ASPH: variants seen among roughly 807,000 people sequenced by gnomAD.
ASPH encodes the protein aspartyl/asparaginyl beta-hydroxylase.
In ASPH, 100 loss-of-function variants were observed where a neutral mutation model predicts 118.4. That is an observed-to-expected ratio of 0.84 (90% CI 0.72 to 1.00). The LOEUF is 1.00. ASPH is among the 50% of genes least tolerant of loss of function. The pLI, the probability that ASPH is intolerant of heterozygous loss-of-function variation, is 0.00. For synonymous variants in ASPH, 315 were observed against 325.6 expected, an observed-to-expected ratio of 0.97 and a Z score of 0.35; for missense variants, 920 against 919.5, an observed-to-expected ratio of 1.00 and a Z score of -0.01.
intron 14 of ASPH, among the ~76,000 whole-genome samples, chr8:61,608,481 A>G (rs1336682091): frequency 6.6e-6 from 1 of 152,228 alleles, no homozygotes; most frequent in South Asian, 2.1e-4. Flanking sequence ...TCATATGGTT[A>G]TCTTTAAAAT....
chr8:61,553,946 GC>G (rs1458848765), intron 19 of ASPH, among the ~76,000 whole-genome samples: 1 of 152,216 alleles, frequency 6.6e-6, no homozygotes, highest in Non-Finnish European at 1.5e-5. Context: ...TTGGAAATGA[GC>G]AAGCTGCACG....
In ASPH at chr8:61,550,442, TACACACAC is replaced by T. The variant is rs34577657; in HGVS notation, c.1627-2242_1627-2235del. ...TGTATGGTTTTTATGCACATGTACATACACACACACACACACACACACACACATAAGAG... is the reference window on the plus strand; with the variant it reads ...TGTATGGTTTTTATGCACATGTACATACACACACACACACACACATAAGAG... On this transcript the variant is annotated intron_variant, in intron 20 of 24. Transcript: ENST00000379454. 5.7e-3 allele frequency among the ~76,000 whole-genome samples: 841 copies of T among 147,686 alleles called. 6 individuals are homozygous for T. Among genetic ancestry groups the T allele is most frequent in the Non-Finnish European group, 8.8e-3 (584 of 66,682 alleles).
chr8:61,703,646 C>T (rs1835795275), intron 1 of ASPH, among the ~76,000 whole-genome samples: 1 of 151,968 alleles, frequency 6.6e-6, no homozygotes, highest in South Asian at 2.1e-4. Flanking sequence ...AAGAAATATA[C>T]CACTATCATA....
At chr8:61,641,860 G>A (rs889433578) in intron 10 of ASPH, among the ~76,000 whole-genome samples, 1 of 152,098 alleles carries the variant, frequency 6.6e-6, no homozygotes, top group African/African-American at 2.4e-5. Flanking sequence ...CATCGTTCTT[G>A]CTTTACACAT....
chr8:61,624,112 T>C, intron 13 of ASPH: 1 of 618,080 alleles, frequency 1.6e-6, no homozygotes, highest in South Asian at 7.2e-5. Flanking sequence ...TAGTATTTGA[T>C]AGCAAAACAG....
chr8:61,507,368 TG>T (rs1807018489), intron 24 of ASPH, among the ~76,000 whole-genome samples: 1 of 152,232 alleles, frequency 6.6e-6, no homozygotes, highest in Non-Finnish European at 1.5e-5. Flanking sequence ...TAAAACTCTA[TG>T]GGGAAAGTGA....
intron 22 of ASPH, among the ~76,000 whole-genome samples, chr8:61,524,835 C>A (rs1304125145): frequency 1.3e-5 from 2 of 151,500 alleles, no homozygotes; most frequent in Non-Finnish European, 2.9e-5. Flanking sequence ...CTCTAGGAGG[C>A]CCAGTAGGTT....
intron 19 of ASPH, among the ~76,000 whole-genome samples, chr8:61,554,820 C>A (rs1827276805): frequency 6.6e-6 from 1 of 152,180 alleles, no homozygotes; most frequent in African/African-American, 2.4e-5. Flanking sequence ...TCAATGCAGC[C>A]TCGACCTCCT....
chr8:61,692,878 G>A (rs1396040129), intron 1 of ASPH, among the ~76,000 whole-genome samples: 1 of 151,870 alleles, frequency 6.6e-6, no homozygotes, highest in African/African-American at 2.4e-5. Context: ...AATTCTCAGG[G>A]TCTCAAGGAA....
chr8:61,705,156 C>T (rs1396808395), intron 1 of ASPH, among the ~76,000 whole-genome samples: 1 of 152,106 alleles, frequency 6.6e-6, no homozygotes, highest in Non-Finnish European at 1.5e-5. Flanking sequence ...AACAGAGAAC[C>T]ATGTTCTTAT....
intron 3 of ASPH, chr8:61,661,250 A>T (rs1816756474): frequency 6.6e-6 from 1 of 152,224 alleles, no homozygotes. Flanking sequence ...CCTAAGTAGG[A>T]ATAGGAAGCA....
At chr8:61,621,366 A>T (rs530806883) in intron 13 of ASPH, among the ~76,000 whole-genome samples, 18 of 151,984 alleles carry the variant, frequency 1.2e-4, no homozygotes, top group Non-Finnish European at 2.5e-4. Context: ...GAAAATACAC[A>T]GAGAATACGT....
chr8:61,585,667 C>T (rs1220213789), intron 14 of ASPH, among the ~76,000 whole-genome samples: 1 of 152,208 alleles, frequency 6.6e-6, no homozygotes. Flanking sequence ...CTACCCTCCT[C>T]TACTTGCCAC....
intron 13 of ASPH, chr8:61,624,539 G>T (rs1852045907): frequency 1.0e-6 from 1 of 966,976 alleles, no homozygotes. Context: ...ACAATATAGA[G>T]AATTCTTCTG....
chr8:61,522,134 T>A (rs1374489588), intron 22 of ASPH, among the ~76,000 whole-genome samples: 7 of 152,226 alleles, frequency 4.6e-5, no homozygotes, highest in Non-Finnish European at 1.0e-4. Flanking sequence ...CACATAACAA[T>A]TTAAAAAGTT....
intron 14 of ASPH, among the ~76,000 whole-genome samples, chr8:61,610,591 G>A (rs1248378062): frequency 6.6e-6 from 1 of 152,324 alleles, no homozygotes; most frequent in African/African-American, 2.4e-5. Context: ...AAATCTTTAA[G>A]AGCAGTTATC....
chr8:61,558,235 G>C (rs575784153), intron 18 of ASPH, among the ~76,000 whole-genome samples: 295 of 152,266 alleles, frequency 1.9e-3, no homozygotes, highest in Non-Finnish European at 3.3e-3. Context: ...GATGAGTGTG[G>C]GTGGGGCCAA....
At chr8:61,673,013 T>C (rs147737730) in intron 3 of ASPH, among the ~76,000 whole-genome samples, 207 of 152,356 alleles carry the variant, frequency 1.4e-3, no homozygotes, top group African/African-American at 4.6e-3. Flanking sequence ...ATCTAATTTT[T>C]TGATAATTAT....
At chr8:61,690,473 C>G (rs1297763655) in intron 1 of ASPH, among the ~76,000 whole-genome samples, 4 of 151,740 alleles carry the variant, frequency 2.6e-5, no homozygotes, top group Admixed American at 6.6e-5. Flanking sequence ...TGAAAGGGAA[C>G]TAGGAAAAGA....
Sources: allele counts gnomAD v4.1 joint callset (sites outside exome capture counted in the v4.1 genomes callset), GRCh38; gene constraint gnomAD v4.1.1; transcripts MANE v1.5; gene names NCBI Gene and HGNC (gene_info 2026-07-23, HGNC 2026-07-21).